Variants in IRAG1 observed in about 807,000 individuals in gnomAD.
IRAG1 encodes the protein inositol 1,4,5-triphosphate receptor associated 1.
In IRAG1, 62 loss-of-function variants were observed where a neutral mutation model predicts 106.2. The observed-to-expected ratio is 0.58, with a 90% confidence interval of 0.48 to 0.72. The LOEUF is 0.72. IRAG1 is among the 30% of genes least tolerant of loss of function. IRAG1 has a pLI of 0.00. For synonymous variants in IRAG1, 462 were observed against 443.9 expected (o/e 1.04, Z -0.51); for missense variants, 1,064 against 1,140.7 (o/e 0.93, Z 0.97).
At chr11:10,680,123 ATTG>A (rs1276391860) in intron 1 of IRAG1, among the ~76,000 whole-genome samples, 2 of 151,438 alleles carry the variant, frequency 1.3e-5, no homozygotes, top group Non-Finnish European at 2.9e-5. Context: ...AAATACAAAA[ATTG>A]GCCAGGCATG....
At chr11:10,618,714 T>C (rs1044669477) in intron 10 of IRAG1, among the ~76,000 whole-genome samples, 1 of 152,132 alleles carries the variant, frequency 6.6e-6, no homozygotes, top group African/African-American at 2.4e-5. Flanking sequence ...GAATGTGCCA[T>C]GCGTAAGAAG....
chr11:10,645,496 G>A (rs1362780283), intron 2 of IRAG1, among the ~76,000 whole-genome samples: 2 of 152,204 alleles, frequency 1.3e-5, no homozygotes, highest in Non-Finnish European at 2.9e-5. Context: ...CTAGGAACCT[G>A]TGTGTTAGTT....
intron 1 of IRAG1, among the ~76,000 whole-genome samples, chr11:10,656,880 C>A (rs1858965359): frequency 6.6e-6 from 1 of 152,124 alleles, no homozygotes; most frequent in Non-Finnish European, 1.5e-5. Flanking sequence ...GGGGCCCTGC[C>A]TCCCAGGGGA....
At chr11:10,644,576 G>T (rs1442124592) in intron 2 of IRAG1, among the ~76,000 whole-genome samples, 1 of 152,140 alleles carries the variant, frequency 6.6e-6, no homozygotes, top group Non-Finnish European at 1.5e-5. Context: ...TAGCCATCAT[G>T]CCTGTGTCTT....
At chr11:10,600,652 G>A (rs1853893625) in intron 15 of IRAG1, among the ~76,000 whole-genome samples, 3 of 152,314 alleles carry the variant, frequency 2.0e-5, no homozygotes, top group Non-Finnish European at 2.9e-5. Flanking sequence ...TGTAGCCCAT[G>A]GGCTTTGTAT....
At chr11:10,590,927 C>T (rs922507123) in intron 18 of IRAG1, among the ~76,000 whole-genome samples, 7 of 152,224 alleles carry the variant, frequency 4.6e-5, no homozygotes, top group South Asian at 2.1e-4. Context: ...AGTTTAATCC[C>T]ATAATGACAA....
chr11:10,631,908 A>C, intron 4 of IRAG1, 83 bp downstream of exon 4: 1 of 1,138,686 alleles, frequency 8.8e-7, no homozygotes, highest in Non-Finnish European at 1.3e-6. Context: ...CTTAAAGAGC[A>C]GGAGAGAGGA....
intron 10 of IRAG1, among the ~76,000 whole-genome samples, chr11:10,620,368 AG>A (rs1467701278): frequency 2.4e-3 from 1 of 416 alleles, no homozygotes; most frequent in Non-Finnish European, 5.7e-3. Context: ...ATTAAAATAC[AG>A]CCCCCCCCAA....
At chr11:10,605,955 T>G (rs1854437075) in intron 12 of IRAG1, among the ~76,000 whole-genome samples, 1 of 152,230 alleles carries the variant, frequency 6.6e-6, no homozygotes, top group African/African-American at 2.4e-5. Context: ...CTTGGTGTGG[T>G]TATTTACTCA....
At chr11:10,584,548 A>AAAAT (rs1245685749) in intron 18 of IRAG1, among the ~76,000 whole-genome samples, 1 of 98,580 alleles carries the variant, frequency 1.0e-5, no homozygotes, top group Non-Finnish European at 2.1e-5. Flanking sequence ...TCTTTCATGA[A>AAAAT]ATATATATAT....
intron 1 of IRAG1, among the ~76,000 whole-genome samples, chr11:10,685,555 A>G (rs942426796): frequency 6.6e-6 from 1 of 152,036 alleles, no homozygotes. Context: ...CTCTAAAACA[A>G]AAAAACGTTT....
At chr11:10,579,720 C>T (rs1851201332) in intron 20 of IRAG1, among the ~76,000 whole-genome samples, 1 of 152,140 alleles carries the variant, frequency 6.6e-6, no homozygotes. Flanking sequence ...TATAATACTT[C>T]ATTGCATGGA....
intron 1 of IRAG1, among the ~76,000 whole-genome samples, chr11:10,662,371 G>A (rs1270351155): frequency 6.6e-6 from 1 of 152,160 alleles, no homozygotes; most frequent in African/African-American, 2.4e-5. Context: ...TGATGTACCC[G>A]GGTTTCATGT....
intron 1 of IRAG1, among the ~76,000 whole-genome samples, chr11:10,688,427 C>T (rs1564946995): frequency 6.6e-6 from 1 of 152,176 alleles, no homozygotes; most frequent in Non-Finnish European, 1.5e-5. Context: ...GCTTTCTTCT[C>T]CTCCTGATGA....
intron 1 of IRAG1, among the ~76,000 whole-genome samples, chr11:10,678,472 A>C (rs1860883434): frequency 6.6e-6 from 1 of 152,110 alleles, no homozygotes; most frequent in Non-Finnish European, 1.5e-5. Flanking sequence ...AAATACTGTA[A>C]GGAGGAAACG....
At chr11:10,634,152 A>ACATCAAGATGGCTCTGAG in intron 2 of IRAG1, 81 bp from the exon 3 acceptor site, 1 of 776,772 alleles carries the variant, frequency 1.3e-6, no homozygotes, top group Non-Finnish European at 2.1e-6. Context: ...ATTTATTCTC[A>ACATCAAGATGGCTCTGAG]CATCATGATG....
At chr11:10,583,493 C>T (rs1444606619) in intron 18 of IRAG1, among the ~76,000 whole-genome samples, 13 of 152,098 alleles carry the variant, frequency 8.5e-5, no homozygotes, top group African/African-American at 3.1e-4. Flanking sequence ...TTTGATAATA[C>T]AGAGGTCAAC....
intron 2 of IRAG1, among the ~76,000 whole-genome samples, chr11:10,648,761 C>A (rs1858186149): frequency 6.6e-6 from 1 of 152,086 alleles, no homozygotes; most frequent in Admixed American, 6.5e-5. Flanking sequence ...TGATTAAGGA[C>A]CTGAAGAGTA....
At chr11:10,650,425 A>C (rs1486641190) in intron 2 of IRAG1, among the ~76,000 whole-genome samples, 1 of 152,146 alleles carries the variant, frequency 6.6e-6, no homozygotes, top group African/African-American at 2.4e-5. Context: ...GTCTTGGGGC[A>C]GCTGTTTGGG....
Sources: allele counts gnomAD v4.1 joint callset (sites outside exome capture counted in the v4.1 genomes callset), GRCh38; gene constraint gnomAD v4.1.1; transcripts MANE v1.5; gene names NCBI Gene and HGNC (gene_info 2026-07-23, HGNC 2026-07-21).